Variants in CSMD2 observed in about 807,000 individuals in gnomAD.
The protein encoded by CSMD2 is CUB and sushi domain-containing protein 2.
A neutral mutation model predicts 398.5 loss-of-function variants in CSMD2; 130 were observed. That is an observed-to-expected ratio of 0.33 (90% CI 0.28 to 0.38). The LOEUF is 0.38. Among genes scored for constraint, CSMD2 ranks in the 10% least tolerant of loss-of-function variants. The pLI is 1.00. For synonymous variants in CSMD2, 1,828 were observed against 1,908.5 expected, an observed-to-expected ratio of 0.96 and a Z score of 1.10; for missense variants, 3,829 against 4,764.9, an observed-to-expected ratio of 0.80 and a Z score of 5.78.
intron 55 of CSMD2, among the ~76,000 whole-genome samples, chr1:33,551,046 G>A (rs1657399114): frequency 6.6e-6 from 1 of 152,186 alleles, no homozygotes; most frequent in Non-Finnish European, 1.5e-5. Context: ...TAGACACTCC[G>A]TGTGTTTGGG....
intron 9 of CSMD2, among the ~76,000 whole-genome samples, chr1:33,813,512 C>A (rs1657089133): frequency 6.6e-6 from 1 of 152,162 alleles, no homozygotes; most frequent in South Asian, 2.1e-4. Context: ...TCTCTATTTG[C>A]CTTTTTCCCT....
At chr1:33,699,466 G>C (rs905348847) in intron 23 of CSMD2, among the ~76,000 whole-genome samples, 1 of 152,140 alleles carries the variant, frequency 6.6e-6, no homozygotes, top group African/African-American at 2.4e-5. Context: ...ATAATTATCT[G>C]CATTTTACAA....
At chr1:33,819,968 T>A (rs1657920756) in intron 8 of CSMD2, 131 bp from the exon 9 acceptor site, 7 of 1,159,628 alleles carry the variant, frequency 6.0e-6, no homozygotes, top group Non-Finnish European at 8.5e-6. Flanking sequence ...CTCCACTGTT[T>A]TATCACTAAA....
chr1:33,930,376 G>A (rs1188599980), intron 4 of CSMD2, among the ~76,000 whole-genome samples: 1 of 152,158 alleles, frequency 6.6e-6, no homozygotes, highest in Non-Finnish European at 1.5e-5. Context: ...GTCCATACCC[G>A]ACACCACTGC....
chr1:33,900,882 T>C (rs1642710308), intron 5 of CSMD2, among the ~76,000 whole-genome samples: 2 of 152,094 alleles, frequency 1.3e-5, no homozygotes, highest in African/African-American at 4.8e-5. Flanking sequence ...GATTATACTG[T>C]TGAAGGTATA....
chr1:33,555,600 T>C (rs147569802), intron 55 of CSMD2, among the ~76,000 whole-genome samples: 1 of 152,330 alleles, frequency 6.6e-6, no homozygotes, highest in East Asian at 1.9e-4. Flanking sequence ...ACTGTTGTCT[T>C]ATTTCAAGAA....
At chr1:33,950,255 G>A (rs1430089891) in intron 3 of CSMD2, among the ~76,000 whole-genome samples, 1 of 152,128 alleles carries the variant, frequency 6.6e-6, no homozygotes, top group Admixed American at 6.5e-5. Context: ...TTCAGTTGGT[G>A]TCAAGCTCTA....
chr1:33,573,179 A>T (rs1156654774), intron 49 of CSMD2, among the ~76,000 whole-genome samples: 1 of 152,208 alleles, frequency 6.6e-6, no homozygotes, highest in African/African-American at 2.4e-5. Flanking sequence ...GGTCTGCCAC[A>T]TACTCAACTC....
chr1:34,056,527 A>C (rs1653847425), intron 2 of CSMD2, among the ~76,000 whole-genome samples: 1 of 152,196 alleles, frequency 6.6e-6, no homozygotes, highest in Non-Finnish European at 1.5e-5. Context: ...GACCTTGGGT[A>C]AGTTCTTTAA....
intron 1 of CSMD2, among the ~76,000 whole-genome samples, chr1:34,139,627 T>C (rs1284866742): frequency 6.6e-6 from 1 of 152,222 alleles, no homozygotes; most frequent in Non-Finnish European, 1.5e-5. Flanking sequence ...TACCCACATA[T>C]ACACATTTAC....
rs139766416 is a variant in CSMD2 at position 33,587,025 on chromosome 1, C to G, written c.6937+63G>C. 37 of 1,348,480 alleles carry G rather than the reference C, an allele frequency of 2.7e-5. No homozygotes were observed. The South Asian group carries it at 2.9e-4, about 11-fold the overall frequency. The allele number at this position is 1,348,480 out of a possible 1,614,324, so 83.5% of individuals were successfully genotyped here. A position where few individuals can be genotyped will look rare whatever the true frequency, so the allele number is the denominator to read the frequency against. ...GGTCCACTGGCCCGACAGCTCCCCC[C>G]GCCACCTTCCCTTCCTTCCCCAGTC... On this transcript the variant is annotated intron_variant, in intron 45 of 70. Coordinates refer to ENST00000373381, the MANE Select transcript of CSMD2 (RefSeq NM_001281956.2).
intron 2 of CSMD2, among the ~76,000 whole-genome samples, chr1:34,034,287 C>T (rs1558278916): frequency 1.3e-5 from 2 of 152,006 alleles, no homozygotes; most frequent in South Asian, 4.2e-4. Flanking sequence ...GGTAAATGAT[C>T]AATCGCGACA....
chr1:33,947,148 C>G (rs1644863811), intron 3 of CSMD2, among the ~76,000 whole-genome samples: 1 of 152,154 alleles, frequency 6.6e-6, no homozygotes, highest in Admixed American at 6.5e-5. Context: ...GAGGGTCCTG[C>G]CTTGAGGCTG....
chr1:33,674,875 A>C (rs370545966), intron 25 of CSMD2, among the ~76,000 whole-genome samples: 3 of 152,376 alleles, frequency 2.0e-5, no homozygotes, highest in Admixed American at 6.5e-5. Context: ...ACATAACGAA[A>C]TGAAGGCAGA....
chr1:34,125,438 C>T lies in CSMD2; in HGVS notation c.188-36245G>A, dbSNP rs12092407. Reference sequence around the variant, plus strand: ...ATTTGGACGGCAGGTATGGCGCTCACATGTGCTCCAGGGCACACACAGGTA... The same window carrying T: ...ATTTGGACGGCAGGTATGGCGCTCATATGTGCTCCAGGGCACACACAGGTA... On this transcript the variant is annotated intron_variant, in intron 1 of 70. Transcript: ENST00000373381. Among the ~76,000 whole-genome samples the T allele has an allele frequency of 1.8e-3, 270 of 152,222 alleles. 1 individual carries two copies. The highest frequency in any genetic ancestry group is 6.1e-3 in the African/African-American group (254 of 41,556).
At chr1:33,627,442 C>G (rs911054602) in intron 32 of CSMD2, among the ~76,000 whole-genome samples, 1 of 152,116 alleles carries the variant, frequency 6.6e-6, no homozygotes, top group Non-Finnish European at 1.5e-5. Flanking sequence ...CTGCTGCCCC[C>G]CTGCAGCCTC....
chr1:33,905,828 T>C (rs1643055111), intron 5 of CSMD2, among the ~76,000 whole-genome samples: 1 of 152,172 alleles, frequency 6.6e-6, no homozygotes, highest in East Asian at 1.9e-4. Context: ...TACAGAAGCA[T>C]GAGGTGTGGC....
chr1:33,869,036 C>CT (rs1640252663), intron 5 of CSMD2: 1 of 152,120 alleles, frequency 6.6e-6, no homozygotes, highest in East Asian at 1.9e-4. Flanking sequence ...AGAGGGAGGC[C>CT]GGAGCAACTG....
intron 3 of CSMD2, among the ~76,000 whole-genome samples, chr1:34,000,355 G>A (rs964172519): frequency 2.0e-5 from 3 of 152,012 alleles, no homozygotes; most frequent in East Asian, 1.9e-4. Flanking sequence ...AATGATGGAC[G>A]GCCCTGTCTC....
Sources: gnomAD v4.1 joint callset for allele counts (sites outside exome capture counted in the v4.1 genomes callset) on GRCh38, gnomAD v4.1.1 for gene constraint, MANE v1.5 for transcripts, NCBI Gene and HGNC (gene_info 2026-07-23, HGNC 2026-07-21) for gene names.